The following PCSK2 variants were observed in gnomAD, a reference collection of about 807,000 sequenced individuals.
PCSK2 encodes proprotein convertase subtilisin/kexin type 2.
PCSK2 carries 14 observed loss-of-function variants against 69.7 expected under a neutral mutation model. The observed-to-expected ratio is 0.20, with a 90% CI of 0.13 to 0.31. The LOEUF (loss-of-function observed/expected upper bound fraction) is 0.31. Ranked by LOEUF, PCSK2 falls within the 10% of genes least tolerant of loss-of-function variation. The pLI is 1.00. For synonymous variants in PCSK2, 307 were observed against 320.7 expected (o/e 0.96, Z 0.46); for missense variants, 544 against 842.5 (o/e 0.65, Z 4.39).
chr20:17,314,193 GGACC>G (rs1989605544), intron 2 of PCSK2, among the ~76,000 whole-genome samples: 1 of 152,132 alleles, frequency 6.6e-6, no homozygotes, highest in African/African-American at 2.4e-5. Flanking sequence ...CTGGATAAAT[GGACC>G]TACCATTTAG....
At chr20:17,297,758 T>A (rs1988945349) in intron 2 of PCSK2, among the ~76,000 whole-genome samples, 1 of 152,256 alleles carries the variant, frequency 6.6e-6, no homozygotes, top group Non-Finnish European at 1.5e-5. Context: ...TCTTCCAGGA[T>A]AAACACTGCC....
intron 1 of PCSK2, among the ~76,000 whole-genome samples, chr20:17,227,919 T>C (rs890923924): frequency 1.1e-4 from 16 of 152,154 alleles, no homozygotes; most frequent in Non-Finnish European, 2.4e-4. Flanking sequence ...GGCTGGACGT[T>C]TGGACACTGC....
chr20:17,296,671 C>T (rs1374822627), intron 2 of PCSK2, among the ~76,000 whole-genome samples: 3 of 152,132 alleles, frequency 2.0e-5, no homozygotes, highest in Admixed American at 2.0e-4. Flanking sequence ...AAAAATGAGT[C>T]TTGTATTTCT....
chr20:17,247,605 C>T (rs1488250152), intron 1 of PCSK2, among the ~76,000 whole-genome samples: 1 of 152,136 alleles, frequency 6.6e-6, no homozygotes, highest in African/African-American at 2.4e-5. Context: ...ATCCGGGAAG[C>T]CTTAACTGTT....
chr20:17,390,860 C>A (rs2031354085), intron 5 of PCSK2, among the ~76,000 whole-genome samples: 1 of 152,262 alleles, frequency 6.6e-6, no homozygotes, highest in African/African-American at 2.4e-5. Flanking sequence ...CGTGGCAGTT[C>A]TGCATGGATC....
intron 4 of PCSK2, among the ~76,000 whole-genome samples, 199 bp from the exon 5 acceptor site, chr20:17,369,041 C>T (rs1028237528): frequency 6.6e-6 from 1 of 152,204 alleles, no homozygotes; most frequent in East Asian, 1.9e-4. Flanking sequence ...TGTCTCTCCG[C>T]TCTGGCAGTG....
intron 2 of PCSK2, among the ~76,000 whole-genome samples, chr20:17,261,569 G>C (rs750670592): frequency 1.4e-4 from 22 of 152,208 alleles, no homozygotes; most frequent in Non-Finnish European, 2.8e-4. Context: ...TGTGCTGCCA[G>C]CCAAGGCCAA....
intron 7 of PCSK2, among the ~76,000 whole-genome samples, chr20:17,430,520 C>CTT (rs2032342443): frequency 6.6e-6 from 1 of 152,212 alleles, no homozygotes. Flanking sequence ...CTATTAACCT[C>CTT]TTTTCAACAC....
intron 7 of PCSK2, 114 bp from the exon 8 acceptor site, chr20:17,436,594 C>A: frequency 1.2e-6 from 1 of 822,494 alleles, no homozygotes; most frequent in South Asian, 1.7e-5. Context: ...GGCCCCAGAG[C>A]ACCTGAGATC....
chr20:17,465,562 G>A lies in PCSK2; in HGVS notation c.1430+9G>A, dbSNP rs1407960547. On this transcript the variant is annotated intron_variant, in intron 11 of 11. Coordinates refer to ENST00000262545, the MANE Select transcript of PCSK2 (RefSeq NM_002594.5). ...TCCGTGCAGGACCCTGAGTAAGTGG[G>A]GGTAGTGGTCCCTCTGCTGCATGTG... 3 of 1,542,134 alleles carry A rather than the reference G, an allele frequency of 1.9e-6. No individual in the cohort carries two copies. The highest frequency in any genetic ancestry group is 2.7e-6 in the Non-Finnish European group (3 of 1,130,822).
At chr20:17,423,642 TA>T (rs1007720045) in intron 6 of PCSK2, among the ~76,000 whole-genome samples, 87 of 80,390 alleles carry the variant, frequency 1.1e-3, no homozygotes, top group African/African-American at 4.0e-3. Context: ...AACACTTTTG[TA>T]CAAAAAAAAA....
intron 6 of PCSK2, among the ~76,000 whole-genome samples, chr20:17,427,467 C>T (rs565635984): frequency 6.6e-6 from 1 of 152,290 alleles, no homozygotes; most frequent in South Asian, 2.1e-4. Context: ...TCACAAAAGC[C>T]CCAATACAGT....
intron 2 of PCSK2, among the ~76,000 whole-genome samples, chr20:17,305,593 A>G (rs1277816801): frequency 6.6e-6 from 1 of 152,218 alleles, no homozygotes; most frequent in African/African-American, 2.4e-5. Context: ...CATCTTTAAA[A>G]TGGGTATAAT....
At chr20:17,417,757 T>G (rs372092071) in intron 6 of PCSK2, among the ~76,000 whole-genome samples, 2 of 152,202 alleles carry the variant, frequency 1.3e-5, no homozygotes, top group South Asian at 2.1e-4. Context: ...GAAATGATAT[T>G]ATGCCTGATG....
intron 6 of PCSK2, among the ~76,000 whole-genome samples, chr20:17,418,050 G>T (rs537944772): frequency 2.0e-5 from 3 of 152,240 alleles, no homozygotes; most frequent in Admixed American, 1.3e-4. Context: ...TCAAATGATT[G>T]GGCAACAGAT....
chr20:17,290,811 G>C (rs1424171187), intron 2 of PCSK2, among the ~76,000 whole-genome samples: 1 of 152,172 alleles, frequency 6.6e-6, no homozygotes, highest in African/African-American at 2.4e-5. Flanking sequence ...GGAAGTCCGA[G>C]AGCATGGTGC....
chr20:17,247,560 C>A (rs533201244), intron 1 of PCSK2, among the ~76,000 whole-genome samples: 1 of 152,282 alleles, frequency 6.6e-6, no homozygotes, highest in African/African-American at 2.4e-5. Context: ...TGGACAAACA[C>A]AAAGAAAGCA....
chr20:17,308,152 G>A (rs1467425087), intron 2 of PCSK2, among the ~76,000 whole-genome samples: 1 of 152,138 alleles, frequency 6.6e-6, no homozygotes, highest in Admixed American at 6.5e-5. Flanking sequence ...TAAACAACGA[G>A]ATCTCACAAG....
intron 2 of PCSK2, among the ~76,000 whole-genome samples, chr20:17,277,180 G>T (rs1988115016): frequency 6.6e-6 from 1 of 152,066 alleles, no homozygotes; most frequent in South Asian, 2.1e-4. Context: ...TCCCCATCAA[G>T]CTACCAATGA....
Sources: allele counts gnomAD v4.1 joint callset (sites outside exome capture counted in the v4.1 genomes callset), GRCh38; gene constraint gnomAD v4.1.1; transcripts MANE v1.5; gene names NCBI Gene and HGNC (gene_info 2026-07-23, HGNC 2026-07-21).